The following KCNH1 variants were observed in gnomAD, a reference collection of about 807,000 sequenced individuals.
KCNH1 encodes the protein potassium voltage-gated channel subfamily H member 1, also known as voltage-gated delayed rectifier potassium channel KCNH1.
In KCNH1, 27 loss-of-function variants were observed where a neutral mutation model predicts 69.2. The observed-to-expected ratio is 0.39, with a 90% confidence interval of 0.29 to 0.54. KCNH1 has a LOEUF of 0.54. Among genes scored for constraint, KCNH1 ranks in the 20% least tolerant of loss-of-function variants. The pLI is 0.68. For synonymous variants in KCNH1, 456 were observed against 487.7 expected (o/e 0.93, Z 0.86); for missense variants, 798 against 1,261.6 (o/e 0.63, Z 5.57).
At chr1:210,691,632 A>G (rs1318621383) in intron 10 of KCNH1, among the ~76,000 whole-genome samples, 3 of 152,186 alleles carry the variant, frequency 2.0e-5, no homozygotes. Flanking sequence ...CTTTGTGTCC[A>G]TTGGCAACTT....
At chr1:210,885,254 G>A (rs993481344) in intron 7 of KCNH1, among the ~76,000 whole-genome samples, 8 of 152,206 alleles carry the variant, frequency 5.3e-5, no homozygotes, top group East Asian at 1.9e-4. Context: ...TGCAGCCCAC[G>A]GAGGGTGAGC....
chr1:210,962,979 C>G (rs1020101081), intron 6 of KCNH1, among the ~76,000 whole-genome samples: 2 of 151,174 alleles, frequency 1.3e-5, no homozygotes, highest in African/African-American at 2.4e-5. Flanking sequence ...TGGCTGCTCA[C>G]GTGTTTTGCC....
At chr1:210,859,134 C>T in intron 7 of KCNH1, 1 of 1,199,212 alleles carries the variant, frequency 8.3e-7, no homozygotes. Flanking sequence ...GGAACACAAG[C>T]TCTTCACTAC....
chr1:211,056,283 G>T (rs1690302708), intron 5 of KCNH1, among the ~76,000 whole-genome samples: 1 of 152,140 alleles, frequency 6.6e-6, no homozygotes, highest in African/African-American at 2.4e-5. Context: ...TTGCCAAGGG[G>T]CCTAGGGTGG....
chr1:210,775,274 T>C, intron 10 of KCNH1, 74 bp downstream of exon 10: 1 of 1,322,418 alleles, frequency 7.6e-7, no homozygotes, highest in Non-Finnish European at 1.1e-6. Context: ...CAAAGGGACT[T>C]TTCTGGTCAC....
intron 5 of KCNH1, among the ~76,000 whole-genome samples, chr1:211,079,492 A>G (rs895398720): frequency 2.6e-5 from 4 of 152,186 alleles, no homozygotes; most frequent in Admixed American, 1.3e-4. Context: ...CCTGATACCA[A>G]AGCCTGGCAG....
At chr1:211,114,971 GT>G (rs752646701) in intron 1 of KCNH1, among the ~76,000 whole-genome samples, 167 of 151,914 alleles carry the variant, frequency 1.1e-3, no homozygotes, top group Non-Finnish European at 1.9e-3. Context: ...TTTGTTTTTT[GT>G]TTTTTGTTTT....
At chr1:211,116,849 TG>T (rs775531752) in intron 1 of KCNH1, among the ~76,000 whole-genome samples, 5 of 152,156 alleles carry the variant, frequency 3.3e-5, no homozygotes, top group Admixed American at 6.5e-5. Context: ...GGTATAAGCT[TG>T]AGAAGGGAAA....
intron 8 of KCNH1, among the ~76,000 whole-genome samples, chr1:210,798,414 T>C (rs1684366317): frequency 6.6e-6 from 1 of 152,042 alleles, no homozygotes; most frequent in African/African-American, 2.4e-5. Context: ...TCCAGCAAGA[T>C]AGTAAACACA....
chr1:210,854,933 C>T (rs1685799774), intron 7 of KCNH1, among the ~76,000 whole-genome samples: 1 of 152,182 alleles, frequency 6.6e-6, no homozygotes, highest in South Asian at 2.1e-4. Flanking sequence ...AACCCCTGGG[C>T]TGGGAAGTAA....
intron 10 of KCNH1, among the ~76,000 whole-genome samples, chr1:210,766,073 A>G (rs982625183): frequency 6.6e-6 from 1 of 151,942 alleles, no homozygotes; most frequent in African/African-American, 2.4e-5. Context: ...AAAAAAGAAG[A>G]AGAAAAAAAG....
intron 7 of KCNH1, among the ~76,000 whole-genome samples, chr1:210,872,250 A>G (rs1482747331): frequency 1.3e-5 from 2 of 151,914 alleles, no homozygotes; most frequent in Non-Finnish European, 2.9e-5. Context: ...AGCTATGATG[A>G]CAATAATGAT....
intron 7 of KCNH1, among the ~76,000 whole-genome samples, chr1:210,851,583 C>G (rs1347690384): frequency 2.0e-5 from 3 of 152,158 alleles, no homozygotes; most frequent in African/African-American, 7.2e-5. Flanking sequence ...CAATAAGACA[C>G]AGTTTGGGAA....
chr1:211,057,514 T>C (rs2102446281), intron 5 of KCNH1, among the ~76,000 whole-genome samples: 1 of 151,918 alleles, frequency 6.6e-6, no homozygotes, highest in South Asian at 2.1e-4. Context: ...TGGCGTTTGC[T>C]TGTAGTCCCA....
At chr1:210,761,792 A>G (rs577036130) in intron 10 of KCNH1, among the ~76,000 whole-genome samples, 3 of 152,360 alleles carry the variant, frequency 2.0e-5, no homozygotes, top group Admixed American at 2.0e-4. Context: ...TCACGAAATA[A>G]TAGTGGGGGA....
chr1:211,017,151 C>T (rs1689507073), intron 6 of KCNH1, among the ~76,000 whole-genome samples: 1 of 152,124 alleles, frequency 6.6e-6, no homozygotes, highest in South Asian at 2.1e-4. Context: ...AAATTCTCTC[C>T]TTCCAGCTCT....
At chr1:211,031,293 C>T (rs1689779900) in intron 5 of KCNH1, among the ~76,000 whole-genome samples, 1 of 152,144 alleles carries the variant, frequency 6.6e-6, no homozygotes, top group Non-Finnish European at 1.5e-5. Context: ...GATGGATTCA[C>T]AGCCAAATTC....
chr1:210,991,665 AAG>A (rs1225473084), intron 6 of KCNH1, among the ~76,000 whole-genome samples: 7 of 152,080 alleles, frequency 4.6e-5, no homozygotes, highest in Non-Finnish European at 1.0e-4. Context: ...CCAGAAAAAA[AAG>A]GTGTTACATA....
At chr1:211,037,234 T>C (rs1689915225) in intron 5 of KCNH1, among the ~76,000 whole-genome samples, 1 of 151,988 alleles carries the variant, frequency 6.6e-6, no homozygotes, top group Non-Finnish European at 1.5e-5. Context: ...AAGGGGTGAG[T>C]AAGCAGAGAA....
Sources: gnomAD v4.1 joint callset for allele counts (sites outside exome capture counted in the v4.1 genomes callset) on GRCh38, gnomAD v4.1.1 for gene constraint, MANE v1.5 for transcripts, NCBI Gene and HGNC (gene_info 2026-07-23, HGNC 2026-07-21) for gene names.